Variants in SWT1 observed in about 807,000 individuals in gnomAD.
The protein encoded by SWT1 is transcriptional protein SWT1.
A neutral mutation model predicts 107.3 loss-of-function variants in SWT1; 33 were observed. The ratio of observed to expected loss-of-function variants is 0.31; its 90% CI spans 0.23 to 0.41. The LOEUF (loss-of-function observed/expected upper bound fraction) is 0.41. SWT1 is among the 10% of genes least tolerant of loss of function. The pLI is 1.00. For synonymous variants in SWT1, 345 were observed against 348.3 expected (o/e 0.99, Z 0.11); for missense variants, 898 against 1,028.9 (o/e 0.87, Z 1.74).
At position 185,225,337 on chromosome 1, in the gene SWT1, C is replaced by T. The variant is rs375110657; in HGVS notation, c.2309+3301C>T. Among the ~76,000 whole-genome samples, 19 of 152,146 alleles carry T rather than the reference C, an allele frequency of 1.2e-4. No homozygotes were observed. The South Asian group carries it at 1.9e-3, about 15-fold the overall frequency. ...TTGCTAGTATCTTGTTGAGAATTTTCGTACCTGTTTATCGAGGATATTGGT... is the reference window on the plus strand; with the variant it reads ...TTGCTAGTATCTTGTTGAGAATTTTTGTACCTGTTTATCGAGGATATTGGT... On this transcript the variant is annotated intron_variant, in intron 15 of 18. Transcript: ENST00000367500.
At chr1:185,194,548 T>G (rs1396911453) in intron 10 of SWT1, among the ~76,000 whole-genome samples, 1 of 152,122 alleles carries the variant, frequency 6.6e-6, no homozygotes, top group African/African-American at 2.4e-5. Context: ...TTGTATATAT[T>G]GTCCCATAGC....
intron 18 of SWT1, among the ~76,000 whole-genome samples, chr1:185,288,823 T>G (rs1004224572): frequency 6.6e-6 from 1 of 152,178 alleles, no homozygotes; most frequent in African/African-American, 2.4e-5. Context: ...TATAATGGAT[T>G]GGTGTCCTAC....
chr1:185,202,550 T>G, intron 10 of SWT1, 104 bp from the exon 11 acceptor site: 1 of 962,150 alleles, frequency 1.0e-6, no homozygotes, highest in Non-Finnish European at 1.6e-6. Context: ...AGGTATAGGC[T>G]GAGAATCACC....
chr1:185,168,322 T>TAAATTATAGAC lies in SWT1; in HGVS notation c.166-18_166-17insAAATTATAGAC. 7.6e-7 allele frequency: 1 copy of TAAATTATAGAC among 1,308,684 alleles called. No individual in the cohort carries two copies. The highest frequency in any genetic ancestry group is 1.0e-6 in the Non-Finnish European group (1 of 977,710). 81.1% of individuals were successfully genotyped at this position (1,308,684 alleles called of 1,614,324 possible). A position where few individuals can be genotyped will look rare whatever the true frequency, so the allele number is the denominator to read the frequency against. On this transcript the variant is annotated splice_polypyrimidine_tract_variant and intron_variant, in intron 3 of 18. Coordinates refer to ENST00000367500, the MANE Select transcript of SWT1 (RefSeq NM_017673.7). ...GTACCAGTGCACAATTTATGTGTCC[T>TAAATTATAGAC]TTTTTTATTTATTTCAGAAATCAGA...
At position 185,273,492 on chromosome 1, in the gene SWT1, G is replaced by A. The variant is rs930244080; in HGVS notation, c.2508+2103G>A. ...CTGAGGCAGGCGGATCATGAGGTCA[G>A]GAGTTCCAGACCAGCCTGGCCAACA... On this transcript the variant is annotated intron_variant, in intron 17 of 18. Transcript: ENST00000367500. 3.9e-5 allele frequency among the ~76,000 whole-genome samples: 6 copies of A among 152,152 alleles called. No homozygotes were observed. In the East Asian group the frequency reaches 1.2e-3, roughly 30 times the overall value.
chr1:185,245,915 C>T (rs1436034385), intron 16 of SWT1, among the ~76,000 whole-genome samples: 5 of 151,240 alleles, frequency 3.3e-5, no homozygotes, highest in African/African-American at 1.2e-4. Flanking sequence ...ATTACAGGCA[C>T]CCACCATCAT....
chr1:185,277,818 T>G (rs1404354945), intron 18 of SWT1, among the ~76,000 whole-genome samples: 1 of 152,178 alleles, frequency 6.6e-6, no homozygotes, highest in African/African-American at 2.4e-5. Flanking sequence ...TCTCATCTTT[T>G]TTTTTTGTGG....
In SWT1 at chr1:185,247,238, G is replaced by A. The variant is rs1661679750; in HGVS notation, c.2441+15530G>A. On this transcript the variant is annotated intron_variant, in intron 16 of 18. Coordinates refer to ENST00000367500, the MANE Select transcript of SWT1 (RefSeq NM_017673.7). ...ACACACCTCTCCTTTCCTCCCTAATGTGGAACTCCCACCTTATCCCCTGGA... is the reference window on the plus strand; with the variant it reads ...ACACACCTCTCCTTTCCTCCCTAATATGGAACTCCCACCTTATCCCCTGGA... Among the ~76,000 whole-genome samples, 4 of 152,130 alleles carry A rather than the reference G, an allele frequency of 2.6e-5. No individual in the cohort carries two copies. The South Asian group carries it at 6.2e-4, about 24-fold the overall frequency.
At chr1:185,278,841 A>G (rs1481835939) in intron 18 of SWT1, among the ~76,000 whole-genome samples, 2 of 152,240 alleles carry the variant, frequency 1.3e-5, no homozygotes, top group East Asian at 3.8e-4. Context: ...TTCATTTGCT[A>G]TATATAACTT....
Position 185,160,988 on chromosome 1 carries a change from A to T in SWT1, c.84+63A>T, listed in dbSNP as rs116310975. Reference sequence around the variant, plus strand: ...AATTTATTTTTGCTTAATGAAAAAAATACACCTTACTATTATAATGATTTA... The same window carrying T: ...AATTTATTTTTGCTTAATGAAAAAATTACACCTTACTATTATAATGATTTA... On this transcript the variant is annotated intron_variant, in intron 2 of 18. Transcript: ENST00000367500. The T allele has an allele frequency of 5.2e-6, 6 of 1,152,132 alleles. No homozygotes were observed. In the African/African-American group the frequency reaches 7.8e-5, roughly 15 times the overall value. The allele number at this position is 1,152,132 out of a possible 1,614,324, so 71.4% of individuals were successfully genotyped here.
intron 16 of SWT1, among the ~76,000 whole-genome samples, chr1:185,233,526 G>A (rs1203651846): frequency 6.6e-6 from 1 of 152,142 alleles, no homozygotes; most frequent in African/African-American, 2.4e-5. Flanking sequence ...GTTTCAAAAA[G>A]AATATCTTTA....
At chr1:185,204,671 A>C in intron 11 of SWT1, 29 bp from the exon 12 acceptor site, 2 of 1,402,322 alleles carry the variant, frequency 1.4e-6, no homozygotes, top group Non-Finnish European at 1.9e-6. Flanking sequence ...TAGCATTCTA[A>C]ATAAAGTCTG....
chr1:185,269,564 G>T (rs1039192433), intron 16 of SWT1, among the ~76,000 whole-genome samples: 4 of 152,014 alleles, frequency 2.6e-5, no homozygotes, highest in Non-Finnish European at 5.9e-5. Flanking sequence ...TGTAATAAAG[G>T]CCAAATAGTC....
intron 15 of SWT1, chr1:185,227,271 G>GA (rs1219409314): frequency 3.3e-5 from 25 of 757,478 alleles, no homozygotes; most frequent in African/African-American, 5.1e-5. Flanking sequence ...CAAATAGCAG[G>GA]TAAAGGCACC....
At chr1:185,168,579 A>C (rs1654789456) in intron 4 of SWT1, among the ~76,000 whole-genome samples, 181 bp downstream of exon 4, 1 of 152,224 alleles carries the variant, frequency 6.6e-6, no homozygotes, top group South Asian at 2.1e-4. Context: ...GAAAAAGTTG[A>C]GTGAAATAAA....
Position 185,184,894 on chromosome 1 carries a change from A to G in SWT1, c.1392A>G (p.Leu464=), listed in dbSNP as rs767441644. The change falls in exon 9 of 19, where the codon CTA becomes CTG. Residue 464 remains leucine (L), a synonymous_variant. Coordinates refer to ENST00000367500, the MANE Select transcript of SWT1 (RefSeq NM_017673.7). ...NDSLKNQDRK[L]WGQSIQLASQ... is the part of the protein sequence containing the mutation. Reference sequence around the variant, plus strand: ...GTCTCAAAAATCAAGATAGAAAGCTATGGGGTCAGTCAATACAACTTGCAT... The same window carrying G: ...GTCTCAAAAATCAAGATAGAAAGCTGTGGGGTCAGTCAATACAACTTGCAT... 2.1e-5 allele frequency: 32 copies of G among 1,532,142 alleles called. No individual in the cohort carries two copies. In the Admixed American group the frequency reaches 4.7e-4, roughly 23 times the overall value. 94.9% of individuals were successfully genotyped at this position (1,532,142 alleles called of 1,614,324 possible).
At chr1:185,224,741 T>C (rs2102540773) in intron 15 of SWT1, among the ~76,000 whole-genome samples, 1 of 152,286 alleles carries the variant, frequency 6.6e-6, no homozygotes, top group African/African-American at 2.4e-5. Context: ...TGAATTGTTT[T>C]CTTGTTTTCT....
chr1:185,209,522 C>T (rs1037195019), intron 13 of SWT1, among the ~76,000 whole-genome samples: 1 of 152,108 alleles, frequency 6.6e-6, no homozygotes, highest in Non-Finnish European at 1.5e-5. Flanking sequence ...ATGGTTTCCA[C>T]TTTCATCCAT....
chr1:185,206,370 CTGAT>C (rs1658336562), intron 12 of SWT1, among the ~76,000 whole-genome samples: 2 of 152,158 alleles, frequency 1.3e-5, no homozygotes, highest in Non-Finnish European at 2.9e-5. Flanking sequence ...TATGTTTCCT[CTGAT>C]TAGATGTATG....
Sources: gnomAD v4.1 joint callset for allele counts (sites outside exome capture counted in the v4.1 genomes callset) on GRCh38, gnomAD v4.1.1 for gene constraint, MANE v1.5 for transcripts, NCBI Gene and HGNC (gene_info 2026-07-23, HGNC 2026-07-21) for gene names.